The following B3GALT1 variants were observed in gnomAD, a reference collection of about 807,000 sequenced individuals.
The protein encoded by B3GALT1 is beta-1,3-galactosyltransferase 1.
A neutral mutation model predicts 23.2 loss-of-function variants in B3GALT1; 10 were observed. The observed-to-expected ratio is 0.43, with a 90% CI of 0.27 to 0.73. B3GALT1 has a LOEUF of 0.73. Ranked by LOEUF, B3GALT1 falls within the 30% of genes least tolerant of loss-of-function variation. The pLI is 0.21. For missense variants in B3GALT1, 299 were observed against 405.4 expected, an observed-to-expected ratio of 0.74 and a Z score of 2.25; for synonymous variants, 156 against 141.5, an observed-to-expected ratio of 1.10 and a Z score of -0.73.
At chr2:167,458,679 G>C (rs574220271) in intron 1 of B3GALT1, among the ~76,000 whole-genome samples, 7 of 152,250 alleles carry the variant, frequency 4.6e-5, no homozygotes, top group African/African-American at 1.7e-4. Context: ...TTTCACTGTA[G>C]TTTTGATTTG....
rs191849988 is a variant in B3GALT1, at chr2:167,825,410, A to G, written c.-230+6617A>G. Among the ~76,000 whole-genome samples the G allele has an allele frequency of 2.0e-5, 3 of 150,120 alleles. No homozygotes were observed. The East Asian group carries it at 5.8e-4, about 29-fold the overall frequency. On this transcript the variant is annotated intron_variant, in intron 4 of 4. Transcript: ENST00000392690. ...CAATGTTAGTCAGGGCTCTCCAGAGAGAAAGAACCAATAAGATATATGCAG... is the reference window on the plus strand; with the variant it reads ...CAATGTTAGTCAGGGCTCTCCAGAGGGAAAGAACCAATAAGATATATGCAG...
intron 1 of B3GALT1, among the ~76,000 whole-genome samples, chr2:167,387,466 A>G (rs2105280198): frequency 6.6e-6 from 1 of 152,302 alleles, no homozygotes; most frequent in East Asian, 1.9e-4. Flanking sequence ...TATACATTCA[A>G]CTGCAAAATA....
At chr2:167,441,180 T>A (rs142806471) in intron 1 of B3GALT1, among the ~76,000 whole-genome samples, 320 of 152,248 alleles carry the variant, frequency 2.1e-3, no homozygotes, top group African/African-American at 7.3e-3. Flanking sequence ...ACATTCAAGG[T>A]TCATGAAGAG....
chr2:167,481,612 A>T (rs1385047865), intron 1 of B3GALT1, among the ~76,000 whole-genome samples: 1 of 152,230 alleles, frequency 6.6e-6, no homozygotes, highest in East Asian at 1.9e-4. Context: ...TGTGCCAGGC[A>T]CTAGGTGTAA....
chr2:167,865,721 G>A (rs1042933332), intron 4 of B3GALT1, among the ~76,000 whole-genome samples: 1 of 152,146 alleles, frequency 6.6e-6, no homozygotes, highest in Non-Finnish European at 1.5e-5. Flanking sequence ...GAACCCGGGA[G>A]GCGGAGTTTG....
At chr2:167,699,473 T>C (rs1415600188) in intron 3 of B3GALT1, among the ~76,000 whole-genome samples, 2 of 145,428 alleles carry the variant, frequency 1.4e-5, no homozygotes, top group African/African-American at 5.1e-5. Flanking sequence ...GTTGAAAGGG[T>C]AAATGACATT....
chr2:167,688,674 A>G lies in B3GALT1; in HGVS notation c.-352+41708A>G, dbSNP rs543434328. On this transcript the variant is annotated intron_variant, in intron 3 of 4. Coordinates refer to ENST00000392690, the MANE Select transcript of B3GALT1 (RefSeq NM_020981.4). ...GACATGTGGGACTAATACAAAAAAA[A>G]CTAACATCTTTATCATCAGAGTCTT... 2.6e-5 allele frequency among the ~76,000 whole-genome samples: 4 copies of G among 152,234 alleles called. No homozygotes were observed. The South Asian group carries it at 6.2e-4, about 24-fold the overall frequency.
chr2:167,829,990 G>T (rs1181284440), intron 4 of B3GALT1, among the ~76,000 whole-genome samples: 1 of 152,184 alleles, frequency 6.6e-6, no homozygotes, highest in Non-Finnish European at 1.5e-5. Context: ...AAAGGCAAAA[G>T]AAATGTCTAG....
At chr2:167,536,387 C>A (rs1039266838) in intron 2 of B3GALT1, among the ~76,000 whole-genome samples, 1 of 152,066 alleles carries the variant, frequency 6.6e-6, no homozygotes, top group Non-Finnish European at 1.5e-5. Flanking sequence ...ATTATTAACT[C>A]ACATGGAAGC....
chr2:167,782,288 C>T (rs1343948462), intron 3 of B3GALT1, among the ~76,000 whole-genome samples: 1 of 152,062 alleles, frequency 6.6e-6, no homozygotes, highest in East Asian at 1.9e-4. Flanking sequence ...ACGGCGATGC[C>T]CCTGGTGACT....
intron 1 of B3GALT1, among the ~76,000 whole-genome samples, chr2:167,398,500 G>A (rs1468957030): frequency 1.3e-5 from 2 of 151,952 alleles, no homozygotes; most frequent in African/African-American, 2.4e-5. Context: ...AGTGTTTAAT[G>A]TGTGCCAGGT....
At chr2:167,561,569 G>A (rs949825415) in intron 2 of B3GALT1, among the ~76,000 whole-genome samples, 5 of 151,602 alleles carry the variant, frequency 3.3e-5, no homozygotes, top group Admixed American at 6.6e-5. Flanking sequence ...CAAGACTAAT[G>A]AAGAAAAAAA....
At chr2:167,837,329 G>A (rs1027550259) in intron 4 of B3GALT1, among the ~76,000 whole-genome samples, 8 of 151,968 alleles carry the variant, frequency 5.3e-5, no homozygotes, top group Middle Eastern at 6.8e-3. Context: ...AAGGATGGAG[G>A]AAGATCTACC....
chr2:167,744,270 T>A (rs1172837676), intron 3 of B3GALT1, among the ~76,000 whole-genome samples: 1 of 152,168 alleles, frequency 6.6e-6, no homozygotes, highest in Non-Finnish European at 1.5e-5. Flanking sequence ...ATATTCATCA[T>A]TTTTATCTGC....
chr2:167,669,380 G>A (rs1051408746), intron 3 of B3GALT1, among the ~76,000 whole-genome samples: 1 of 152,188 alleles, frequency 6.6e-6, no homozygotes, highest in Non-Finnish European at 1.5e-5. Context: ...CTTGAGGACA[G>A]AGTTTCAAGT....
intron 1 of B3GALT1, among the ~76,000 whole-genome samples, chr2:167,384,268 G>C (rs992659810): frequency 1.1e-4 from 17 of 152,138 alleles, no homozygotes; most frequent in Admixed American, 1.1e-3. Flanking sequence ...GATCCTTAAA[G>C]ATAAGGAACT....
chr2:167,736,682 A>G (rs947454862), intron 3 of B3GALT1, among the ~76,000 whole-genome samples: 4 of 152,156 alleles, frequency 2.6e-5, no homozygotes, highest in Admixed American at 6.5e-5. Context: ...CGGGTAGATC[A>G]CTTGAGGTCA....
At chr2:167,835,904 A>G in intron 4 of B3GALT1, among the ~76,000 whole-genome samples, 1 of 152,156 alleles carries the variant, frequency 6.6e-6, no homozygotes, top group East Asian at 1.9e-4. Context: ...TACTGCTGAT[A>G]CCCAGGCAAA....
chr2:167,625,855 A>T (rs775362986), intron 2 of B3GALT1, among the ~76,000 whole-genome samples: 41 of 150,314 alleles, frequency 2.7e-4, no homozygotes, highest in Admixed American at 8.7e-4. Flanking sequence ...ATGTGTGTAG[A>T]GATATTTGTA....
Sources: allele counts gnomAD v4.1 joint callset (sites outside exome capture counted in the v4.1 genomes callset), GRCh38; gene constraint gnomAD v4.1.1; transcripts MANE v1.5; gene names NCBI Gene and HGNC (gene_info 2026-07-23, HGNC 2026-07-21).